Variants in KCNIP4 observed in about 807,000 individuals in gnomAD.
The protein encoded by KCNIP4 is Kv channel-interacting protein 4.
A neutral mutation model predicts 34.0 loss-of-function variants in KCNIP4; 12 were observed. That is an observed-to-expected ratio of 0.35 (90% CI 0.23 to 0.57). The LOEUF (loss-of-function observed/expected upper bound fraction) is 0.57. Ranked by LOEUF, KCNIP4 falls within the 20% of genes least tolerant of loss-of-function variation. KCNIP4 has a pLI of 0.83. For missense variants in KCNIP4, 238 were observed against 311.7 expected (o/e 0.76, Z 1.78); for synonymous variants, 124 against 102.2 (o/e 1.21, Z -1.29).
intron 1 of KCNIP4, among the ~76,000 whole-genome samples, chr4:21,208,796 C>T (rs1757027447): frequency 6.6e-6 from 1 of 152,176 alleles, no homozygotes; most frequent in Admixed American, 6.5e-5. Flanking sequence ...TTAATGGACT[C>T]ATAGTTCAGC....
intron 1 of KCNIP4, among the ~76,000 whole-genome samples, chr4:21,529,606 A>G (rs553613080): frequency 6.6e-6 from 1 of 152,208 alleles, no homozygotes; most frequent in African/African-American, 2.4e-5. Flanking sequence ...ACCTCCTTCT[A>G]TCCTTGTTAT....
intron 1 of KCNIP4, among the ~76,000 whole-genome samples, chr4:21,724,476 A>G (rs1360029374): frequency 6.6e-6 from 1 of 152,242 alleles, no homozygotes; most frequent in Non-Finnish European, 1.5e-5. Context: ...TAAGTGAGTT[A>G]CAACACTAAA....
At chr4:21,528,579 A>G (rs1296375190) in intron 1 of KCNIP4, among the ~76,000 whole-genome samples, 4 of 151,380 alleles carry the variant, frequency 2.6e-5, no homozygotes, top group South Asian at 4.2e-4. Context: ...AGACAGGACA[A>G]TCACTTAAAC....
intron 3 of KCNIP4, among the ~76,000 whole-genome samples, chr4:20,764,451 G>C (rs77132131): frequency 6.6e-6 from 1 of 151,954 alleles, no homozygotes; most frequent in Non-Finnish European, 1.5e-5. Context: ...TAGGAATAAT[G>C]ATGTAATTAA....
chr4:20,955,104 T>C (rs571915875), intron 1 of KCNIP4, among the ~76,000 whole-genome samples: 2 of 152,284 alleles, frequency 1.3e-5, no homozygotes, highest in South Asian at 2.1e-4. Flanking sequence ...GGTTCTCGTA[T>C]TGCAGTGGCA....
chr4:21,015,180 T>C (rs1739389731), intron 1 of KCNIP4, among the ~76,000 whole-genome samples: 1 of 151,606 alleles, frequency 6.6e-6, no homozygotes, highest in Non-Finnish European at 1.5e-5. Flanking sequence ...TTTGAGATGA[T>C]AAAAATATTC....
At chr4:21,375,318 A>G (rs1158467345) in intron 1 of KCNIP4, among the ~76,000 whole-genome samples, 5 of 152,148 alleles carry the variant, frequency 3.3e-5, no homozygotes, top group Non-Finnish European at 7.3e-5. Context: ...TAGAATAAAA[A>G]CAGCCTGGGT....
chr4:21,776,375 T>C (rs1719181631), intron 1 of KCNIP4, among the ~76,000 whole-genome samples: 2 of 152,200 alleles, frequency 1.3e-5, no homozygotes, highest in Non-Finnish European at 2.9e-5. Flanking sequence ...CTGTTTCTAG[T>C]TGGCCATCTT....
chr4:21,488,286 C>T (rs1008897624), intron 1 of KCNIP4, among the ~76,000 whole-genome samples: 1 of 152,090 alleles, frequency 6.6e-6, no homozygotes, highest in African/African-American at 2.4e-5. Flanking sequence ...AAATATGGCT[C>T]CCATATTCAC....
At chr4:21,062,729 C>T (rs1744032901) in intron 1 of KCNIP4, among the ~76,000 whole-genome samples, 1 of 152,102 alleles carries the variant, frequency 6.6e-6, no homozygotes, top group Non-Finnish European at 1.5e-5. Context: ...GTCTGAAGGC[C>T]AGCAGGTGCC....
intron 1 of KCNIP4, among the ~76,000 whole-genome samples, chr4:21,778,013 CTAAG>C (rs1196500570): frequency 6.6e-6 from 1 of 151,928 alleles, no homozygotes; most frequent in African/African-American, 2.4e-5. Context: ...TTATAAATAA[CTAAG>C]TAAGGACATA....
chr4:21,288,045 T>C (rs1763223566), intron 1 of KCNIP4, among the ~76,000 whole-genome samples: 1 of 152,218 alleles, frequency 6.6e-6, no homozygotes, highest in Non-Finnish European at 1.5e-5. Context: ...CTTAAAAATA[T>C]GCTTGTGGGT....
chr4:20,803,213 G>T (rs1714582178), intron 3 of KCNIP4, among the ~76,000 whole-genome samples: 1 of 149,604 alleles, frequency 6.7e-6, no homozygotes, highest in Non-Finnish European at 1.5e-5. Context: ...AAAGAAGAAA[G>T]ATCTCAAATA....
chr4:21,689,635 T>C (rs912685065), intron 1 of KCNIP4, among the ~76,000 whole-genome samples: 5 of 152,300 alleles, frequency 3.3e-5, no homozygotes, highest in Middle Eastern at 3.4e-3. Flanking sequence ...ATTAAGACTA[T>C]GATGAAAAGA....
intron 1 of KCNIP4, among the ~76,000 whole-genome samples, chr4:21,349,767 A>G (rs1481172631): frequency 1.3e-5 from 2 of 152,154 alleles, no homozygotes; most frequent in Non-Finnish European, 2.9e-5. Context: ...ATGTGGAGCA[A>G]CAAATTGCAA....
At chr4:21,256,389 G>A (rs1179733483) in intron 1 of KCNIP4, among the ~76,000 whole-genome samples, 2 of 150,162 alleles carry the variant, frequency 1.3e-5, no homozygotes, top group African/African-American at 4.9e-5. Context: ...AGTCCAGCCT[G>A]GGCAACATAA....
At chr4:21,891,027 C>T (rs1246661409) in intron 1 of KCNIP4, among the ~76,000 whole-genome samples, 1 of 152,108 alleles carries the variant, frequency 6.6e-6, no homozygotes, top group African/African-American at 2.4e-5. Flanking sequence ...CTTCATTTAA[C>T]CCAAAACAAA....
rs1380597336 is a variant in KCNIP4, at chr4:20,999,380, A to T, written c.62-116671T>A. The stretch of plus-strand genomic sequence containing the variant: ...GACACAGATCACGAAGGGTCTTTAG[A>T]GCACCCAAAAAAGAGGGTTTTTGTT... On this transcript the variant is annotated intron_variant, in intron 1 of 8. Transcript: ENST00000382152. Among the ~76,000 whole-genome samples, 4 of 150,606 alleles carry T rather than the reference A, an allele frequency of 2.7e-5. No individual in the cohort carries two copies. In the East Asian group the frequency reaches 7.8e-4, roughly 29 times the overall value.
chr4:21,714,415 G>A (rs930588440), intron 1 of KCNIP4, among the ~76,000 whole-genome samples: 1 of 151,982 alleles, frequency 6.6e-6, no homozygotes, highest in Admixed American at 6.6e-5. Flanking sequence ...GGACAGAGAA[G>A]GAAAGGGACA....
Sources: allele counts gnomAD v4.1 joint callset (sites outside exome capture counted in the v4.1 genomes callset), GRCh38; gene constraint gnomAD v4.1.1; transcripts MANE v1.5; gene names NCBI Gene and HGNC (gene_info 2026-07-23, HGNC 2026-07-21).